Variants in HIPK2 observed in about 807,000 individuals in gnomAD.
The protein encoded by HIPK2 is homeodomain interacting protein kinase 2.
A neutral mutation model predicts 113.7 loss-of-function variants in HIPK2; 27 were observed. The ratio of observed to expected loss-of-function variants is 0.24; its 90% confidence interval spans 0.17 to 0.33. The LOEUF (loss-of-function observed/expected upper bound fraction) is 0.33. Among genes scored for constraint, HIPK2 ranks in the 10% least tolerant of loss-of-function variants. HIPK2 has a pLI of 1.00. For missense variants in HIPK2, 1,257 were observed against 1,588.0 expected, an observed-to-expected ratio of 0.79 and a Z score of 3.54; for synonymous variants, 631 against 642.2, an observed-to-expected ratio of 0.98 and a Z score of 0.26.
At chr7:139,751,623 G>A (rs886342273) in intron 1 of HIPK2, among the ~76,000 whole-genome samples, 5 of 151,626 alleles carry the variant, frequency 3.3e-5, no homozygotes, top group Admixed American at 6.6e-5. Flanking sequence ...TGGATGGATG[G>A]ATGGATGGAC....
chr7:139,742,893 T>A (rs1796127552), intron 1 of HIPK2, among the ~76,000 whole-genome samples: 1 of 152,232 alleles, frequency 6.6e-6, no homozygotes, highest in African/African-American at 2.4e-5. Context: ...ACAGAGACTA[T>A]AAACTGTCTT....
chr7:139,748,009 A>G (rs2117099654), intron 1 of HIPK2, among the ~76,000 whole-genome samples: 1 of 152,282 alleles, frequency 6.6e-6, no homozygotes, highest in East Asian at 1.9e-4. Flanking sequence ...AGATGGTGAC[A>G]TTTAAACTTG....
chr7:139,582,669 G>C (rs1798706981), intron 13 of HIPK2, among the ~76,000 whole-genome samples: 1 of 152,262 alleles, frequency 6.6e-6, no homozygotes, highest in African/African-American at 2.4e-5. Flanking sequence ...CTTGGGTTAG[G>C]AAGTAGGTGG....
chr7:139,744,995 T>C (rs1796166579), intron 1 of HIPK2, among the ~76,000 whole-genome samples: 1 of 152,246 alleles, frequency 6.6e-6, no homozygotes, highest in Non-Finnish European at 1.5e-5. Context: ...TTCAAGGCAC[T>C]GTACTGACCT....
At chr7:139,645,037 T>C (rs907321067) in intron 2 of HIPK2, among the ~76,000 whole-genome samples, 5 of 152,252 alleles carry the variant, frequency 3.3e-5, no homozygotes, top group African/African-American at 1.2e-4. Flanking sequence ...TGGTTCATGG[T>C]GAGGCCTCAA....
Position 139,776,678 on chromosome 7 carries a change from T to C in HIPK2, c.19+927A>G, listed in dbSNP as rs78485386. Among the ~76,000 whole-genome samples the C allele has an allele frequency of 1.3e-3, 196 of 152,302 alleles. 2 individuals are homozygous for C. The East Asian group carries it at 0.024, about 18-fold the overall frequency. ...TCAATGATTTCATGAGACAAACATT[T>C]ACACGATGAAACGACTGAAAAATCA... is the stretch of plus-strand genomic sequence containing the variant. On this transcript the variant is annotated intron_variant, in intron 1 of 14. Coordinates refer to ENST00000406875, the MANE Select transcript of HIPK2 (RefSeq NM_022740.5).
chr7:139,684,568 A>T (rs1002591363), intron 2 of HIPK2, among the ~76,000 whole-genome samples: 2 of 152,168 alleles, frequency 1.3e-5, no homozygotes, highest in African/African-American at 4.8e-5. Context: ...AAAATATTTT[A>T]AAAAATTAGC....
intron 1 of HIPK2, among the ~76,000 whole-genome samples, chr7:139,776,711 T>C (rs1419635411): frequency 2.0e-5 from 3 of 152,114 alleles, no homozygotes; most frequent in Non-Finnish European, 2.9e-5. Context: ...TCAGACACAC[T>C]TGGGTTTAAA....
chr7:139,604,202 G>T lies in HIPK2; in HGVS notation c.2134C>A (p.Gln712Lys), dbSNP rs752201719. 14 of 1,612,884 alleles carry T rather than the reference G, an allele frequency of 8.7e-6. No individual in the cohort carries two copies. Among genetic ancestry groups the T allele is most frequent in the African/African-American group, 1.3e-5 (1 of 74,920 alleles). ...LAQQAWPSGT[Q>K]QILLPPAWQQ... ...CATGCTGGGGGAAGCAGGATCTGCTGGGTCCCACTTGGCCAAGCCTGCTGT... is the reference window on the plus strand; with the variant it reads ...CATGCTGGGGGAAGCAGGATCTGCTTGGTCCCACTTGGCCAAGCCTGCTGT... Residue 712 changes from glutamine (Q) to lysine (K), a missense_variant, in exon 10 of 15, where the codon CAG becomes AAG. This residue lies in a region of HIPK2 where 862 missense variants were observed against 1,004.3 expected (regional missense o/e 0.86). Coordinates refer to ENST00000406875, the MANE Select transcript of HIPK2 (RefSeq NM_022740.5).
chr7:139,617,076 T>G (rs192087550), intron 7 of HIPK2, among the ~76,000 whole-genome samples: 1 of 152,198 alleles, frequency 6.6e-6, no homozygotes, highest in African/African-American at 2.4e-5. Flanking sequence ...TAAGGACCAG[T>G]TGAAGAAGCC....
At chr7:139,748,148 C>G (rs1000721778) in intron 1 of HIPK2, among the ~76,000 whole-genome samples, 1 of 152,136 alleles carries the variant, frequency 6.6e-6, no homozygotes, top group Admixed American at 6.5e-5. Flanking sequence ...ACGCAATGAC[C>G]TTCACAGAAC....
At position 139,620,409 on chromosome 7, in the gene HIPK2, G is replaced by A; in HGVS notation, c.1774C>T (p.His592Tyr). 1.9e-6 allele frequency: 3 copies of A among 1,613,970 alleles called. No individual in the cohort carries two copies. In the South Asian group the frequency reaches 3.3e-5, roughly 18 times the overall value. The change falls in exon 7 of 15, where the codon CAC (histidine) becomes TAC (tyrosine). Residue 592 changes from histidine (H) to tyrosine (Y), a missense_variant. By Grantham distance (83) the His-to-Tyr change is moderately conservative. Around this residue, in one of 5 missense-constraint regions of HIPK2, gnomAD observed 862 missense variants for 1,004.3 expected, o/e 0.86. Coordinates refer to ENST00000406875, the MANE Select transcript of HIPK2 (RefSeq NM_022740.5). ...TTCTGTTTCCCACTTACCTGGTTGT[G>A]GACAGTGGTCAGCTGGTTGTTAAAG... Reference protein sequence around the residue: ...MTFNNQLTTVHNQAPSSTSAT... With the variant: ...MTFNNQLTTVYNQAPSSTSAT...
At chr7:139,773,876 T>C (rs1315025815) in intron 1 of HIPK2, among the ~76,000 whole-genome samples, 3 of 152,186 alleles carry the variant, frequency 2.0e-5, no homozygotes, top group South Asian at 4.1e-4. Flanking sequence ...CTTTCATACT[T>C]GGGGATACTT....
intron 2 of HIPK2, among the ~76,000 whole-genome samples, chr7:139,676,609 G>A (rs963655271): frequency 4.6e-5 from 7 of 152,052 alleles, no homozygotes; most frequent in East Asian, 3.9e-4. Flanking sequence ...TGTTTATTTG[G>A]TTCAACAGAC....
Position 139,596,875 on chromosome 7 carries a change from G to A in HIPK2, c.2559C>T (p.Thr853=). 6.2e-7 allele frequency: 1 copy of A among 1,613,970 alleles called. No homozygotes were observed. The highest frequency in any genetic ancestry group is 8.5e-7 in the Non-Finnish European group (1 of 1,179,880). Residue 853 remains threonine (T), a synonymous_variant, in exon 12 of 15, where the codon ACC becomes ACT. Coordinates refer to ENST00000406875, the MANE Select transcript of HIPK2 (RefSeq NM_022740.5). ...CGTCGCCCCACCCACAGGTGACCGA[G>A]GTGCTGCAGGCCGGGCTACTGTGCA... is the stretch of plus-strand genomic sequence containing the variant. ...AMVHSSPACS[T]SVTCGWGDVA...
chr7:139,702,415 T>A (rs1245580864), intron 2 of HIPK2, among the ~76,000 whole-genome samples: 1 of 152,100 alleles, frequency 6.6e-6, no homozygotes, highest in Non-Finnish European at 1.5e-5. Context: ...GGGGTGCATA[T>A]CCCGGGTCGA....
At chr7:139,581,800 C>A (rs1798677446) in intron 13 of HIPK2, among the ~76,000 whole-genome samples, 1 of 152,186 alleles carries the variant, frequency 6.6e-6, no homozygotes, top group Admixed American at 6.5e-5. Context: ...AGGCACCAGA[C>A]GAGGAATGCC....
At chr7:139,602,491 G>T (rs142881483) in intron 10 of HIPK2, among the ~76,000 whole-genome samples, 1 of 152,064 alleles carries the variant, frequency 6.6e-6, no homozygotes, top group Admixed American at 6.5e-5. Flanking sequence ...GAGGGAGGAG[G>T]AATAAGAAAA....
At chr7:139,718,818 T>A (rs1184328349) in intron 1 of HIPK2, among the ~76,000 whole-genome samples, 1 of 152,108 alleles carries the variant, frequency 6.6e-6, no homozygotes, top group Admixed American at 6.5e-5. Flanking sequence ...AACAGCCGCA[T>A]TCCCCCCTCT....
Sources: allele counts gnomAD v4.1 joint callset (sites outside exome capture counted in the v4.1 genomes callset), GRCh38; gene constraint gnomAD v4.1.1; regional missense constraint gnomAD v4.1.1; transcripts MANE v1.5; gene names NCBI Gene and HGNC (gene_info 2026-07-23, HGNC 2026-07-21).